NFIB: variants seen among roughly 807,000 people sequenced by gnomAD.
The protein encoded by NFIB is nuclear factor I B, also known as nuclear factor 1 B-type.
NFIB carries 11 observed loss-of-function variants against 61.5 expected under a neutral mutation model. That is an observed-to-expected ratio of 0.18 (90% CI 0.11 to 0.30). NFIB has a LOEUF of 0.30. Among genes scored for constraint, NFIB ranks in the 10% least tolerant of loss-of-function variants. The probability of loss-of-function intolerance (pLI) is 1.00; values close to 1 mark genes in which losing one functional copy is unlikely to be tolerated. For missense variants in NFIB, 471 were observed against 608.9 expected (o/e 0.77, Z 2.38); for synonymous variants, 260 against 216.5 (o/e 1.20, Z -1.76).
the NFIB span, among the ~76,000 whole-genome samples, chr9:14,528,776 A>G: frequency 6.6e-6 from 1 of 152,174 alleles, no homozygotes; most frequent in Non-Finnish European, 1.5e-5. Flanking sequence ...ACAAAATAGA[A>G]TGGAAAGTCC....
the NFIB span, among the ~76,000 whole-genome samples, chr9:14,436,730 T>C: frequency 2.0e-5 from 3 of 152,202 alleles, no homozygotes; most frequent in Admixed American, 6.5e-5. Flanking sequence ...GCTATATCAA[T>C]AGTGACATTA....
intron 6 of NFIB, among the ~76,000 whole-genome samples, chr9:14,131,921 C>G (rs752919412): frequency 2.0e-5 from 3 of 152,146 alleles, no homozygotes; most frequent in Non-Finnish European, 2.9e-5. Context: ...GTCTGGGACA[C>G]CTGCTCCTTT....
intron 1 of NFIB, among the ~76,000 whole-genome samples, chr9:14,331,744 G>A (rs1474028452): frequency 1.3e-5 from 2 of 152,210 alleles, no homozygotes; most frequent in Non-Finnish European, 2.9e-5. Context: ...GGCAGGTAAT[G>A]ATTCTTAACC....
At chr9:14,456,622 T>C in the NFIB span, among the ~76,000 whole-genome samples, 1 of 152,192 alleles carries the variant, frequency 6.6e-6, no homozygotes, top group African/African-American at 2.4e-5. Flanking sequence ...GCCTCACTCA[T>C]TTAATTTGAA....
At position 14,345,955 on chromosome 9, in the gene NFIB, C is replaced by T. The variant is rs185041194; in HGVS notation, c.109-38435G>A. ...CTTCCTGCCTTTCTGGTTGACCCTC[C>T]GCAGGGCTTTCTCTGACACCGCCAT... is the stretch of plus-strand genomic sequence containing the variant. On this transcript the variant is annotated intron_variant, in intron 1 of 8. Coordinates refer to the NFIB transcript ENST00000380934. 5.5e-3 allele frequency among the ~76,000 whole-genome samples: 837 copies of T among 152,298 alleles called. 5 individuals carry two copies. Among genetic ancestry groups the T allele is most frequent in the African/African-American group, 0.019 (799 of 41,574 alleles).
chr9:14,110,997 A>G (rs925728734), intron 10 of NFIB, among the ~76,000 whole-genome samples: 3 of 152,108 alleles, frequency 2.0e-5, no homozygotes, highest in African/African-American at 7.2e-5. Flanking sequence ...GCTTCCAAAG[A>G]TTAATATATA....
intron 1 of NFIB, among the ~76,000 whole-genome samples, chr9:14,320,821 T>C (rs2060641744): frequency 1.3e-5 from 2 of 152,150 alleles, no homozygotes; most frequent in East Asian, 3.9e-4. Flanking sequence ...AAAGTTAACT[T>C]TTTCCCGCCT....
chr9:14,420,529 A>G, the NFIB span, among the ~76,000 whole-genome samples: 2 of 151,016 alleles, frequency 1.3e-5, no homozygotes, highest in Non-Finnish European at 3.0e-5. Flanking sequence ...CCCCCCAAAT[A>G]TTTTCATTCC....
In NFIB at chr9:14,373,899, T is replaced by C. The variant is rs988228734; in HGVS notation, c.108+24625A>G. Reference sequence around the variant, plus strand: ...CCTAAAGCAAGGAAATATCTCTAAGTCAGAAAACAAAGGGAAACTTGCATA... The same window carrying C: ...CCTAAAGCAAGGAAATATCTCTAAGCCAGAAAACAAAGGGAAACTTGCATA... On this transcript the variant is annotated intron_variant, in intron 1 of 8. Transcript: ENST00000380934. Among the ~76,000 whole-genome samples the C allele has an allele frequency of 2.0e-5, 3 of 152,162 alleles. No homozygotes were observed. The East Asian group carries it at 5.8e-4, about 29-fold the overall frequency.
chr9:14,223,171 T>C (rs1451322583), intron 2 of NFIB, among the ~76,000 whole-genome samples: 3 of 152,164 alleles, frequency 2.0e-5, no homozygotes, highest in South Asian at 2.1e-4. Flanking sequence ...AGGCCATGGG[T>C]TGAACAAGCT....
the NFIB span, among the ~76,000 whole-genome samples, chr9:14,490,014 G>A: frequency 9.2e-5 from 14 of 152,092 alleles, no homozygotes; most frequent in Non-Finnish European, 1.8e-4. Context: ...GCCTCTGGGC[G>A]TATTTGAGAT....
At chr9:14,109,502 A>AT (rs60545789) in intron 10 of NFIB, among the ~76,000 whole-genome samples, 13,205 of 152,096 alleles carry the variant, frequency 0.087, 1,856 homozygotes, top group African/African-American at 0.3. Flanking sequence ...AGCAGGACCC[A>AT]TGAGTTCTTC....
At chr9:14,520,039 C>T in the NFIB span, among the ~76,000 whole-genome samples, 2 of 150,572 alleles carry the variant, frequency 1.3e-5, no homozygotes, top group African/African-American at 5.0e-5. Context: ...AGTCCATATT[C>T]TAAAGAAACT....
chr9:14,125,844 C>T lies in NFIB; in HGVS notation c.926-78G>A, dbSNP rs931829923. On this transcript the variant is annotated intron_variant, in intron 6 of 10. Transcript: ENST00000380953. ...GTTCATGTCAACAAATGACAGATCT[C>T]ATCTTGCAACATTTTAGTATTCTTA... is the stretch of plus-strand genomic sequence containing the variant. 10 of 1,537,270 alleles carry T rather than the reference C, an allele frequency of 6.5e-6. No homozygotes were observed. The African/African-American group carries it at 1.1e-4, about 17-fold the overall frequency.
chr9:14,466,325 T>C, the NFIB span, among the ~76,000 whole-genome samples: 1 of 152,026 alleles, frequency 6.6e-6, no homozygotes, highest in Non-Finnish European at 1.5e-5. Flanking sequence ...AGCGGACGTG[T>C]CTTTTCTTAT....
At chr9:14,479,833 GAAAC>G in the NFIB span, among the ~76,000 whole-genome samples, 6 of 151,966 alleles carry the variant, frequency 3.9e-5, no homozygotes, top group Non-Finnish European at 7.4e-5. Context: ...AACACTACGG[GAAAC>G]AAACAAACCA....
chr9:14,331,767 C>A (rs1438743775), intron 1 of NFIB, among the ~76,000 whole-genome samples: 1 of 152,168 alleles, frequency 6.6e-6, no homozygotes, highest in African/African-American at 2.4e-5. Context: ...GATTCCCTTA[C>A]CTTCGAAAAT....
chr9:14,328,041 C>G (rs1204001817), intron 1 of NFIB, among the ~76,000 whole-genome samples: 3 of 152,226 alleles, frequency 2.0e-5, no homozygotes, highest in Admixed American at 2.0e-4. Context: ...GGATGATTGA[C>G]AAGCAAATAT....
chr9:14,343,157 T>C (rs542592292), intron 1 of NFIB, among the ~76,000 whole-genome samples: 1 of 152,258 alleles, frequency 6.6e-6, no homozygotes, highest in African/African-American at 2.4e-5. Flanking sequence ...TTTAGTCCTG[T>C]TTTTCCCACA....
Sources: allele counts gnomAD v4.1 joint callset (sites outside exome capture counted in the v4.1 genomes callset), GRCh38; gene constraint gnomAD v4.1.1; transcripts MANE v1.5; gene names NCBI Gene and HGNC (gene_info 2026-07-23, HGNC 2026-07-21).